Variants in OSBPL1A observed in about 807,000 individuals in gnomAD.
OSBPL1A encodes the protein oxysterol-binding protein-related protein 1.
A neutral mutation model predicts 137.1 loss-of-function variants in OSBPL1A; 80 were observed. That is an observed-to-expected ratio of 0.58 (90% CI 0.49 to 0.70). The LOEUF is 0.70. Among genes scored for constraint, OSBPL1A ranks in the 30% least tolerant of loss-of-function variants. OSBPL1A has a pLI of 0.00. For missense variants in OSBPL1A, 970 were observed against 1,129.4 expected, an observed-to-expected ratio of 0.86 and a Z score of 2.02; for synonymous variants, 365 against 389.7, an observed-to-expected ratio of 0.94 and a Z score of 0.75.
At chr18:24,227,980 AAAG>A (rs1277994633) in intron 16 of OSBPL1A, among the ~76,000 whole-genome samples, 1 of 152,204 alleles carries the variant, frequency 6.6e-6, no homozygotes, top group Admixed American at 6.5e-5. Context: ...ACCCACCTAA[AAAG>A]AATTTTTTTT....
intron 16 of OSBPL1A, among the ~76,000 whole-genome samples, chr18:24,234,339 A>G (rs1373329872): frequency 1.3e-5 from 2 of 151,722 alleles, no homozygotes; most frequent in Non-Finnish European, 2.9e-5. Flanking sequence ...AAACACACCC[A>G]CTCCCACACC....
intron 15 of OSBPL1A, among the ~76,000 whole-genome samples, chr18:24,263,915 G>A: frequency 6.6e-6 from 1 of 152,112 alleles, no homozygotes; most frequent in East Asian, 1.9e-4. Context: ...GGGATTACAG[G>A]TGTGAGCCAC....
chr18:24,210,755 C>CAA (rs2087514412), intron 17 of OSBPL1A, among the ~76,000 whole-genome samples: 1 of 152,160 alleles, frequency 6.6e-6, no homozygotes, highest in East Asian at 1.9e-4. Context: ...AGGATGGTCT[C>CAA]AAACTCCTGG....
chr18:24,383,730 G>A (rs935120975), intron 1 of OSBPL1A, among the ~76,000 whole-genome samples: 2 of 152,228 alleles, frequency 1.3e-5, no homozygotes, highest in Admixed American at 6.5e-5. Context: ...CTCCAGCCTG[G>A]TGACAGGGCA....
At chr18:24,364,569 A>C (rs562936816) in intron 4 of OSBPL1A, among the ~76,000 whole-genome samples, 1 of 152,320 alleles carries the variant, frequency 6.6e-6, no homozygotes, top group East Asian at 1.9e-4. Flanking sequence ...CAGCCTAGGC[A>C]ATATAGTGAG....
At chr18:24,307,935 G>A (rs533859632) in intron 13 of OSBPL1A, among the ~76,000 whole-genome samples, 2 of 149,646 alleles carry the variant, frequency 1.3e-5, no homozygotes, top group Admixed American at 6.6e-5. Context: ...GATTACAGAC[G>A]TGCACCACCA....
At chr18:24,366,670 T>C in intron 4 of OSBPL1A, 1 of 388,542 alleles carries the variant, frequency 2.6e-6, no homozygotes, top group East Asian at 3.8e-5. Flanking sequence ...CGGAATGATC[T>C]CCTCACAGGG....
intron 18 of OSBPL1A, among the ~76,000 whole-genome samples, chr18:24,181,829 C>G (rs938760909): frequency 2.6e-5 from 4 of 152,142 alleles, no homozygotes; most frequent in Non-Finnish European, 2.9e-5. Context: ...CTGGCTCCCT[C>G]AAAGAACACC....
At chr18:24,335,812 ACACAT>A (rs1280415295) in intron 5 of OSBPL1A, among the ~76,000 whole-genome samples, 1 of 152,248 alleles carries the variant, frequency 6.6e-6, no homozygotes, top group African/African-American at 2.4e-5. Flanking sequence ...ACTACAGGGA[ACACAT>A]GTATTGAATC....
At chr18:24,346,415 C>G (rs540123256) in intron 4 of OSBPL1A, among the ~76,000 whole-genome samples, 11 of 152,316 alleles carry the variant, frequency 7.2e-5, no homozygotes, top group Non-Finnish European at 1.6e-4. Flanking sequence ...TATCTAATTT[C>G]AGAACATTTC....
chr18:24,291,990 C>A (rs2146087818), intron 14 of OSBPL1A, among the ~76,000 whole-genome samples: 1 of 152,228 alleles, frequency 6.6e-6, no homozygotes, highest in East Asian at 1.9e-4. Context: ...GAGGCTGAGG[C>A]AGGAGAATCA....
chr18:24,192,065 C>T (rs918382077), intron 18 of OSBPL1A, among the ~76,000 whole-genome samples: 4 of 152,190 alleles, frequency 2.6e-5, no homozygotes, highest in African/African-American at 9.7e-5. Flanking sequence ...ATGTACCAGA[C>T]CTTTGTCACC....
intron 15 of OSBPL1A, among the ~76,000 whole-genome samples, chr18:24,252,518 G>GA (rs35557349): frequency 1.0e-4 from 15 of 149,840 alleles, no homozygotes; most frequent in African/African-American, 3.0e-4. Context: ...GCCTTCCCAG[G>GA]AAAAAAAAAA....
intron 17 of OSBPL1A, among the ~76,000 whole-genome samples, chr18:24,202,435 C>T (rs1474073581): frequency 6.6e-6 from 1 of 152,234 alleles, no homozygotes; most frequent in Non-Finnish European, 1.5e-5. Flanking sequence ...GTGACATCAT[C>T]TGTCCACTAA....
intron 13 of OSBPL1A, among the ~76,000 whole-genome samples, chr18:24,310,479 G>C (rs959154126): frequency 3.8e-5 from 5 of 132,780 alleles, no homozygotes; most frequent in African/African-American, 1.6e-4. Flanking sequence ...GCAGGCGCCT[G>C]TAGTCCCAGC....
chr18:24,326,785 T>C (rs1472008893), intron 7 of OSBPL1A, among the ~76,000 whole-genome samples: 1 of 152,200 alleles, frequency 6.6e-6, no homozygotes, highest in East Asian at 1.9e-4. Flanking sequence ...GGTAGTATCA[T>C]TACTTAAAAC....
At chr18:24,187,699 GA>G (rs2086786467) in intron 18 of OSBPL1A, among the ~76,000 whole-genome samples, 2 of 152,226 alleles carry the variant, frequency 1.3e-5, no homozygotes, top group Non-Finnish European at 2.9e-5. Flanking sequence ...AAGGTTGCAG[GA>G]AAGCAAGTAC....
chr18:24,233,641 T>TTCTC (rs904878076), intron 16 of OSBPL1A, among the ~76,000 whole-genome samples: 1 of 151,568 alleles, frequency 6.6e-6, no homozygotes, highest in Non-Finnish European at 1.5e-5. Context: ...CTTTCTCTCT[T>TTCTC]TCTCTCTCTC....
At chr18:24,390,356 T>C (rs577911971) in intron 1 of OSBPL1A, among the ~76,000 whole-genome samples, 1 of 152,224 alleles carries the variant, frequency 6.6e-6, no homozygotes, top group African/African-American at 2.4e-5. Context: ...GACAGATGAA[T>C]GGAAAAACAA....
Sources: gnomAD v4.1 joint callset for allele counts (sites outside exome capture counted in the v4.1 genomes callset) on GRCh38, gnomAD v4.1.1 for gene constraint, MANE v1.5 for transcripts, NCBI Gene and HGNC (gene_info 2026-07-23, HGNC 2026-07-21) for gene names.